IL6ST: variants seen among roughly 807,000 people sequenced by gnomAD.
The protein encoded by IL6ST is interleukin-6 receptor subunit beta.
IL6ST carries 24 observed loss-of-function variants against 91.3 expected under a neutral mutation model. The observed-to-expected ratio is 0.26, with a 90% CI of 0.19 to 0.37. The LOEUF (loss-of-function observed/expected upper bound fraction) is 0.37. Among genes scored for constraint, IL6ST ranks in the 10% least tolerant of loss-of-function variants. The probability of loss-of-function intolerance (pLI) is 1.00; values close to 1 mark genes in which losing one functional copy is unlikely to be tolerated. For missense variants in IL6ST, 914 were observed against 1,078.5 expected, an observed-to-expected ratio of 0.85 and a Z score of 2.14; for synonymous variants, 351 against 373.6, an observed-to-expected ratio of 0.94 and a Z score of 0.70.
At chr5:55,955,827 A>G (rs1193186301) in intron 10 of IL6ST, among the ~76,000 whole-genome samples, 198 bp downstream of exon 10, 1 of 152,226 alleles carries the variant, frequency 6.6e-6, no homozygotes, top group South Asian at 2.1e-4. Context: ...GACCAGCCTG[A>G]GCAACCTGGC....
chr5:55,953,763 A>T (rs1247876294), intron 11 of IL6ST, among the ~76,000 whole-genome samples: 1 of 152,180 alleles, frequency 6.6e-6, no homozygotes, highest in Non-Finnish European at 1.5e-5. Flanking sequence ...TTGAGGTAAA[A>T]GAATCGCTTG....
intron 15 of IL6ST, among the ~76,000 whole-genome samples, chr5:55,945,687 GTCACCCAGGT>G (rs1751206002): frequency 1.0e-5 from 1 of 99,034 alleles, no homozygotes; most frequent in African/African-American, 4.1e-5. Context: ...CAGACACTCT[GTCACCCAGGT>G]TGGAGTGCAG....
Position 55,976,289 on chromosome 5 carries a change from T to C in IL6ST, c.-11A>G, listed in dbSNP as rs370459847. On this transcript the variant is annotated 5_prime_UTR_variant, in exon 3 of 17. It adds an upstream start codon to the 5' untranslated region. Coordinates refer to ENST00000381298, the MANE Select transcript of IL6ST (RefSeq NM_002184.4). ...CTGCAACGTCAACATCTTGCGCGGA[T>C]ATTTCTGCAACAGACACATGTAATA... is the stretch of plus-strand genomic sequence containing the variant. 1.0e-4 allele frequency: 158 copies of C among 1,570,948 alleles called. No homozygotes were observed. Among genetic ancestry groups the C allele is most frequent in the Non-Finnish European group, 1.3e-4 (155 of 1,155,608 alleles).
chr5:55,941,272 A>G lies in IL6ST; in HGVS notation c.2567T>C (p.Ile856Thr). Residue 856 changes from isoleucine (I) to threonine (T), a missense_variant, in exon 17 of 17, where the codon ATT becomes ACT. Physicochemically the swap from Ile to Thr is moderately conservative, Grantham distance 89. Coordinates refer to ENST00000381298, the MANE Select transcript of IL6ST (RefSeq NM_002184.4). ...TTGCCCAGATCCACAGGATTGTGAA[A>G]TATGATCTGAAATCTGCTGTTTAAG... ...VRLKQQISDH[I>T]SQSCGSGQMK... is the part of the protein sequence containing the mutation. 6.2e-7 allele frequency: 1 copy of G among 1,614,164 alleles called. No homozygotes were observed. The highest frequency in any genetic ancestry group is 8.5e-7 in the Non-Finnish European group (1 of 1,179,980).
Position 55,967,899 on chromosome 5 carries a change from T to C in IL6ST, c.491+377A>G, listed in dbSNP as rs546820759. 1.7e-4 allele frequency among the ~76,000 whole-genome samples: 26 copies of C among 152,148 alleles called. 1 individual carries two copies. The highest frequency in any genetic ancestry group is 6.3e-4 in the African/African-American group (26 of 41,518). On this transcript the variant is annotated intron_variant, in intron 5 of 16. Transcript: ENST00000381298. ...GCAACCTCCGCCTCCTGGATTTAAG[T>C]GATTCTCCTGCCTCAACCTCCGAGT...
At chr5:55,981,599 T>C (rs923482981) in intron 2 of IL6ST, among the ~76,000 whole-genome samples, 3 of 151,850 alleles carry the variant, frequency 2.0e-5, no homozygotes, top group Non-Finnish European at 4.4e-5. Context: ...GCCAAGATCG[T>C]GCCATTGCAC....
At chr5:55,985,378 G>A (rs557151629) in intron 1 of IL6ST, among the ~76,000 whole-genome samples, 1 of 151,944 alleles carries the variant, frequency 6.6e-6, no homozygotes, top group Non-Finnish European at 1.5e-5. Flanking sequence ...TTAGCCGGGT[G>A]TGGTGGTGCA....
chr5:55,941,643 T>C lies in IL6ST; in HGVS notation c.2196A>G (p.Ser732=), dbSNP rs957509405. The change falls in exon 17 of 17, where the codon TCA becomes TCG. Residue 732 remains serine (S), a synonymous_variant. Transcript: ENST00000381298. ...TGCTTGGCCTAGAAGATGACATGCA[T>C]GAAGACCCCCCAATACCACTGCTGT... ...EGHSSGIGGS[S]CMSSSRPSIS... The C allele has an allele frequency of 3.7e-6, 6 of 1,614,196 alleles. No individual in the cohort carries two copies. Among genetic ancestry groups the C allele is most frequent in the Non-Finnish European group, 5.1e-6 (6 of 1,180,016 alleles).
chr5:55,958,987 G>C (rs1375341269), intron 8 of IL6ST, among the ~76,000 whole-genome samples: 1 of 151,944 alleles, frequency 6.6e-6, no homozygotes, highest in Non-Finnish European at 1.5e-5. Flanking sequence ...AAATTCACAT[G>C]AGTACAGTGC....
chr5:55,972,255 G>A (rs1296511565), intron 3 of IL6ST, among the ~76,000 whole-genome samples: 1 of 152,208 alleles, frequency 6.6e-6, no homozygotes, highest in African/African-American at 2.4e-5. Context: ...GCTCACACCT[G>A]TAATCCCAGC....
intron 12 of IL6ST, 45 bp from the exon 13 acceptor site, chr5:55,952,120 T>C: frequency 1.9e-6 from 3 of 1,570,914 alleles, no homozygotes; most frequent in African/African-American, 1.4e-5. Context: ...TCATTTACAA[T>C]CTAGTAAAAT....
Position 55,952,301 on chromosome 5 carries a change from C to A in IL6ST, c.1501G>T (p.Ala501Ser). 1 of 1,610,302 alleles carries A rather than the reference C, an allele frequency of 6.2e-7. No homozygotes were observed. The highest frequency in any genetic ancestry group is 8.5e-7 in the Non-Finnish European group (1 of 1,177,242). The change falls in exon 12 of 17, where the codon GCT (alanine) becomes TCT (serine). Residue 501 changes from alanine to serine, a missense_variant. Coordinates refer to ENST00000381298, the MANE Select transcript of IL6ST (RefSeq NM_002184.4). ...CYLITVTPVYADGPGSPESIK... is the reference protein window; with the variant it reads ...CYLITVTPVYSDGPGSPESIK... ...GATTCAGGGCTTCCTGGTCCATCAG[C>A]ATATACTGGAGTAACTGTTATCAAA...
chr5:55,982,814 G>A lies in IL6ST; in HGVS notation c.-103-3C>T, dbSNP rs1753740253. 2.5e-6 allele frequency: 1 copy of A among 398,140 alleles called. No homozygotes were observed. Among genetic ancestry groups the A allele is most frequent in the Admixed American group, 4.4e-5 (1 of 22,692 alleles). 24.7% of individuals were successfully genotyped at this position (398,140 alleles called of 1,614,324 possible). A position where few individuals can be genotyped will look rare whatever the true frequency, so the allele number is the denominator to read the frequency against. On this transcript the variant is annotated splice_polypyrimidine_tract_variant and splice_region_variant and intron_variant, in intron 1 of 16. Transcript: ENST00000381298. The stretch of plus-strand genomic sequence containing the variant: ...CATGCTTTTTCCATTGGGTTTCACT[G>A]TAAAGAGAGGAGAGTCTTGTTCAGA...
chr5:55,975,228 G>C (rs1753215979), intron 3 of IL6ST, among the ~76,000 whole-genome samples: 2 of 152,064 alleles, frequency 1.3e-5, no homozygotes, highest in Non-Finnish European at 2.9e-5. Flanking sequence ...AAATCATAGG[G>C]GTGGATTTCT....
chr5:55,941,438 G>T lies in IL6ST; in HGVS notation c.2401C>A (p.His801Asn). ...ERPEDLQLVD[H>N]VDGGDGILPR... ...AAAATACCATCACCGCCATCTACAT[G>T]ATCTACTAATTGTAGATCTTCTGGC... The change falls in exon 17 of 17, where the codon CAT (histidine) becomes AAT (asparagine). Residue 801 changes from histidine to asparagine, a missense_variant. Physicochemically the swap from His to Asn is moderately conservative, Grantham distance 68. Transcript: ENST00000381298. 1 of 1,614,188 alleles carries T rather than the reference G, an allele frequency of 6.2e-7. No individual in the cohort carries two copies. Among genetic ancestry groups the T allele is most frequent in the African/African-American group, 1.3e-5 (1 of 75,054 alleles).
At chr5:55,967,865 G>A (rs1033357571) in intron 5 of IL6ST, among the ~76,000 whole-genome samples, 15 of 151,752 alleles carry the variant, frequency 9.9e-5, no homozygotes, top group Non-Finnish European at 1.9e-4. Context: ...GGTGCAATCC[G>A]GGCTCACTGC....
At position 55,976,309 on chromosome 5, in the gene IL6ST, GTAA is replaced by G; in HGVS notation, c.-15-19_-15-17del. The G allele has an allele frequency of 6.8e-7, 1 of 1,471,850 alleles. No individual in the cohort carries two copies. The highest frequency in any genetic ancestry group is 9.3e-7 in the Non-Finnish European group (1 of 1,075,826). The allele number at this position is 1,471,850 out of a possible 1,614,324, so 91.2% of individuals were successfully genotyped here. A position where few individuals can be genotyped will look rare whatever the true frequency, so the allele number is the denominator to read the frequency against. On this transcript the variant is annotated splice_polypyrimidine_tract_variant and intron_variant, in intron 2 of 16. Transcript: ENST00000381298. ...GCGGATATTTCTGCAACAGACACAT[GTAA>G]TATTACTTTTAATATTTTTTCTCTT...
intron 2 of IL6ST, chr5:55,978,181 C>CA (rs1411981855): frequency 6.6e-6 from 1 of 152,150 alleles, no homozygotes; most frequent in Non-Finnish European, 1.5e-5. Context: ...TAACAGTAGT[C>CA]AGAGTATCAG....
chr5:55,976,120 C>A, intron 3 of IL6ST, 95 bp downstream of exon 3: 4 of 498,496 alleles, frequency 8.0e-6, no homozygotes, highest in Non-Finnish European at 1.0e-5. Flanking sequence ...AATATATGAA[C>A]ATAATAATTA....
Sources: gnomAD v4.1 joint callset for allele counts (sites outside exome capture counted in the v4.1 genomes callset) on GRCh38, gnomAD v4.1.1 for gene constraint, MANE v1.5 for transcripts, NCBI Gene and HGNC (gene_info 2026-07-23, HGNC 2026-07-21) for gene names.